SEPTIN9: variants seen among roughly 807,000 people sequenced by gnomAD.
SEPTIN9 encodes the protein septin 9.
Under a neutral mutation model 56.6 loss-of-function variants are expected in SEPTIN9, and 13 were observed. The ratio of observed to expected loss-of-function variants is 0.23; its 90% CI spans 0.15 to 0.37. The LOEUF (loss-of-function observed/expected upper bound fraction) is 0.37, where lower values mean the gene tolerates loss of function less well. Ranked by LOEUF, SEPTIN9 falls within the 10% of genes least tolerant of loss-of-function variation. The probability of loss-of-function intolerance (pLI) is 1.00; values close to 1 mark genes in which losing one functional copy is unlikely to be tolerated. For missense variants in SEPTIN9, 650 were observed against 823.1 expected (o/e 0.79, Z 2.57); for synonymous variants, 332 against 334.1 (o/e 0.99, Z 0.07).
Position 77,488,294 on chromosome 17 carries a change from T to C in SEPTIN9, c.1097T>C (p.Phe366Ser). Residue 366 changes from phenylalanine to serine, a missense_variant, in exon 6 of 12, where the codon TTC (phenylalanine) becomes TCC (serine). Transcript: ENST00000427177. ...CTGACAGTGATTGACACACCAGGGTTCGGGGACCACATCAACAACGAGAAC... is the reference window on the plus strand; with the variant it reads ...CTGACAGTGATTGACACACCAGGGTCCGGGGACCACATCAACAACGAGAAC... ...MKLTVIDTPG[F>S]GDHINNENCW... The C allele has an allele frequency of 6.2e-7, 1 of 1,613,706 alleles. No homozygotes were observed. The highest frequency in any genetic ancestry group is 8.5e-7 in the Non-Finnish European group (1 of 1,179,848).
At chr17:77,286,095 TG>T (rs2031265280) in intron 1 of SEPTIN9, among the ~76,000 whole-genome samples, 2 of 152,268 alleles carry the variant, frequency 1.3e-5, no homozygotes, top group African/African-American at 2.4e-5. Flanking sequence ...TCAGGGGACC[TG>T]GACTGGAGAG....
chr17:77,343,418 C>T (rs767823479), intron 2 of SEPTIN9, among the ~76,000 whole-genome samples: 1 of 152,150 alleles, frequency 6.6e-6, no homozygotes, highest in Non-Finnish European at 1.5e-5. Flanking sequence ...AGCTCCATGC[C>T]GCTTCCTTCA....
intron 2 of SEPTIN9, among the ~76,000 whole-genome samples, chr17:77,351,392 C>G (rs1325648335): frequency 6.6e-6 from 1 of 152,188 alleles, no homozygotes; most frequent in African/African-American, 2.4e-5. Context: ...TTGAAGGGAA[C>G]ATTAAGTGGG....
At chr17:77,349,971 C>T (rs1265503791) in intron 2 of SEPTIN9, among the ~76,000 whole-genome samples, 3 of 152,216 alleles carry the variant, frequency 2.0e-5, no homozygotes, top group South Asian at 2.1e-4. Context: ...CTCATTAGTA[C>T]AGTCCAGAAA....
At position 77,482,138 on chromosome 17, in the gene SEPTIN9, C is replaced by T. The variant is rs773885799; in HGVS notation, c.722-6C>T. ...CGCTCTAACTCCTCTGCTGTTCCTT[C>T]CCCAGCCACTGAGGCGGCTCCCAGC... On this transcript the variant is annotated splice_polypyrimidine_tract_variant and splice_region_variant and intron_variant, in intron 3 of 11. Coordinates refer to ENST00000427177, the MANE Select transcript of SEPTIN9 (RefSeq NM_001113491.2). 1.7e-5 allele frequency: 26 copies of T among 1,559,032 alleles called. No individual in the cohort carries two copies. In the South Asian group the frequency reaches 2.6e-4, roughly 15 times the overall value.
intron 1 of SEPTIN9, chr17:77,287,851 G>A (rs2031347542): frequency 9.8e-7 from 1 of 1,017,836 alleles, no homozygotes; most frequent in African/African-American, 1.7e-5. Context: ...CAGGAAACAG[G>A]AGTGGCGCAG....
At position 77,498,628 on chromosome 17, in the gene SEPTIN9, G is replaced by A; in HGVS notation, c.1731G>A (p.Glu577=). The part of the protein sequence containing the change: ...EGSSAMANGM[E]EKEPEAPEM Reference sequence around the variant, plus strand: ...GCAGCGCCATGGCCAACGGCATGGAGGAGAAGGAGCCAGAAGCCCCGGAGA... The same window carrying A: ...GCAGCGCCATGGCCAACGGCATGGAAGAGAAGGAGCCAGAAGCCCCGGAGA... Residue 577 remains glutamate, a synonymous_variant, in exon 12 of 12, where the codon GAG becomes GAA. Coordinates refer to ENST00000427177, the MANE Select transcript of SEPTIN9 (RefSeq NM_001113491.2). 1.9e-6 allele frequency: 3 copies of A among 1,610,092 alleles called. No individual in the cohort carries two copies. The highest frequency in any genetic ancestry group is 4.5e-5 in the East Asian group (2 of 44,738).
intron 10 of SEPTIN9, among the ~76,000 whole-genome samples, chr17:77,495,749 C>T (rs1598478404): frequency 1.3e-5 from 2 of 152,352 alleles, no homozygotes; most frequent in East Asian, 1.9e-4. Context: ...CACCGCCCTA[C>T]ACAGGGCCGT....
intron 7 of SEPTIN9, among the ~76,000 whole-genome samples, chr17:77,490,296 G>A (rs1272727887): frequency 6.6e-6 from 1 of 152,224 alleles, no homozygotes; most frequent in East Asian, 1.9e-4. Context: ...GGGCCAAGCA[G>A]GCAAGGGGAG....
At chr17:77,471,294 G>A (rs559996973) in intron 3 of SEPTIN9, among the ~76,000 whole-genome samples, 4 of 152,276 alleles carry the variant, frequency 2.6e-5, no homozygotes, top group African/African-American at 9.6e-5. Context: ...CAAGCAGGCC[G>A]TGCCTCCAGC....
chr17:77,350,959 CCTGTGTG>C (rs1178618252), intron 2 of SEPTIN9, among the ~76,000 whole-genome samples: 2 of 150,880 alleles, frequency 1.3e-5, no homozygotes. Flanking sequence ...CCTGTGTGTG[CCTGTGTG>C]CTGTGTGCCC....
chr17:77,462,896 C>T (rs1436575138), intron 3 of SEPTIN9, among the ~76,000 whole-genome samples: 3 of 152,194 alleles, frequency 2.0e-5, no homozygotes. Flanking sequence ...GCCACCTTGG[C>T]CTTCCAAAGT....
At chr17:77,466,694 A>C (rs1230363356) in intron 3 of SEPTIN9, 5 of 426,592 alleles carry the variant, frequency 1.2e-5, no homozygotes, top group Admixed American at 6.4e-5. Context: ...CCCTCATTTA[A>C]CCAGCTAACA....
chr17:77,384,885 A>G (rs1398024753), intron 2 of SEPTIN9, among the ~76,000 whole-genome samples: 1 of 129,116 alleles, frequency 7.7e-6, no homozygotes, highest in African/African-American at 2.8e-5. Flanking sequence ...ACACACACAC[A>G]CACTCCCCAG....
Position 77,434,407 on chromosome 17 carries a change from C to A in SEPTIN9, c.721+31704C>A, listed in dbSNP as rs2037264209. Among the ~76,000 whole-genome samples the A allele has an allele frequency of 6.6e-6, 1 of 152,214 alleles. No homozygotes were observed. The highest frequency in any genetic ancestry group is 1.5e-5 in the Non-Finnish European group (1 of 68,036). ...GGTGGCTGAGGCTGCGGTGAGGTCTCCATGGCTCCCTCGTCCTGCACATCC... is the reference window on the plus strand; with the variant it reads ...GGTGGCTGAGGCTGCGGTGAGGTCTACATGGCTCCCTCGTCCTGCACATCC... On this transcript the variant is annotated intron_variant, in intron 3 of 11. Transcript: ENST00000427177. This position sits in a 1 kb window ranked among gnomAD's most constrained non-coding sequence, Gnocchi z 5.0.
chr17:77,496,987 TG>T, intron 10 of SEPTIN9: 4 of 426,364 alleles, frequency 9.4e-6, no homozygotes, highest in South Asian at 9.2e-5. Flanking sequence ...CCCACTGCCC[TG>T]GCTTCTCCAC....
chr17:77,335,854 GTA>G (rs143226437), intron 2 of SEPTIN9, among the ~76,000 whole-genome samples: 12,532 of 59,486 alleles, frequency 0.21, 4,163 homozygotes, highest in African/African-American at 0.55. Context: ...TATGTTGACT[GTA>G]TATATATATG....
chr17:77,291,326 G>A (rs987185969), intron 1 of SEPTIN9, among the ~76,000 whole-genome samples: 13 of 149,500 alleles, frequency 8.7e-5, no homozygotes, highest in Non-Finnish European at 1.6e-4. Context: ...GAGCCACCGC[G>A]CCTGGCATGC....
At position 77,425,995 on chromosome 17, in the gene SEPTIN9, A is replaced by G. The variant is rs77357836; in HGVS notation, c.721+23292A>G. ...AGGCCATGCCCTCAGACTGGAGGATAGGATCGGAACAGTGGGTCAGGATGG... is the reference window on the plus strand; with the variant it reads ...AGGCCATGCCCTCAGACTGGAGGATGGGATCGGAACAGTGGGTCAGGATGG... On this transcript the variant is annotated intron_variant, in intron 3 of 11. Transcript: ENST00000427177. The surrounding 1 kb of genome is among the most constrained non-coding windows in gnomAD (Gnocchi z 4.2). Among the ~76,000 whole-genome samples the G allele has an allele frequency of 0.025, 3,812 of 152,248 alleles. 60 individuals carry two copies. The highest frequency in any genetic ancestry group is 0.051 in the Middle Eastern group (15 of 294).
Sources: allele counts gnomAD v4.1 joint callset (sites outside exome capture counted in the v4.1 genomes callset), GRCh38; gene constraint gnomAD v4.1.1; non-coding constraint Gnocchi (gnomAD v3.1); transcripts MANE v1.5; gene names NCBI Gene and HGNC (gene_info 2026-07-23, HGNC 2026-07-21).